Variants in SLAMF6 observed in about 807,000 individuals in gnomAD.
SLAMF6 encodes the protein SLAM family member 6.
In SLAMF6, 21 loss-of-function variants were observed where a neutral mutation model predicts 38.3. The ratio of observed to expected loss-of-function variants is 0.55; its 90% confidence interval spans 0.39 to 0.79. The LOEUF is 0.79. Ranked by LOEUF, SLAMF6 falls within the 30% of genes least tolerant of loss-of-function variation. SLAMF6 has a pLI of 0.00. For synonymous variants in SLAMF6, 152 were observed against 146.3 expected (o/e 1.04, Z -0.28); for missense variants, 341 against 385.3 (o/e 0.89, Z 0.96).
chr1:160,518,592 T>TA (rs1654851101), intron 1 of SLAMF6, among the ~76,000 whole-genome samples: 2 of 151,972 alleles, frequency 1.3e-5, no homozygotes, highest in Admixed American at 6.6e-5. Flanking sequence ...TATGCAGCCA[T>TA]AAAAAGGAAT....
chr1:160,522,701 C>T (rs748911641), intron 1 of SLAMF6, among the ~76,000 whole-genome samples: 1 of 151,742 alleles, frequency 6.6e-6, no homozygotes, highest in Non-Finnish European at 1.5e-5. Context: ...AAATTTGGCT[C>T]AACTGAATAA....
At chr1:160,491,039 C>G in intron 3 of SLAMF6, 86 bp downstream of exon 3, 1 of 1,534,032 alleles carries the variant, frequency 6.5e-7, no homozygotes, top group Non-Finnish European at 8.9e-7. Context: ...TCCCACTGGG[C>G]CACTGTATTG....
At position 160,523,151 on chromosome 1, in the gene SLAMF6, A is replaced by G. The variant is rs1237008899; in HGVS notation, c.42T>C (p.Phe14=). The G allele has an allele frequency of 5.0e-6, 8 of 1,613,754 alleles. No individual in the cohort carries two copies. The South Asian group carries it at 5.5e-5, about 11-fold the overall frequency. The change falls in exon 1 of 8, where the codon TTT becomes TTC. Residue 14 remains phenylalanine (F), a synonymous_variant. Transcript: ENST00000368057. ...ATCTGGATTGACATTTACCTGGGCCAAAGCAGAAGACAAACAGGAGCGATT... is the reference window on the plus strand; with the variant it reads ...ATCTGGATTGACATTTACCTGGGCCGAAGCAGAAGACAAACAGGAGCGATT... ...LFQSLLFVFC[F]GPGNVVSQSS...
intron 1 of SLAMF6, among the ~76,000 whole-genome samples, chr1:160,516,776 A>G (rs1185753399): frequency 1.3e-5 from 2 of 152,230 alleles, no homozygotes; most frequent in Non-Finnish European, 2.9e-5. Flanking sequence ...TCACTATTTA[A>G]TAACTGGTGC....
chr1:160,498,437 G>A (rs1377578567), intron 1 of SLAMF6, among the ~76,000 whole-genome samples: 1 of 152,158 alleles, frequency 6.6e-6, no homozygotes, highest in Non-Finnish European at 1.5e-5. Context: ...GGAGGCCATG[G>A]CACTCACAAG....
At chr1:160,496,024 C>A in intron 2 of SLAMF6, 37 bp downstream of exon 2, 1 of 1,553,646 alleles carries the variant, frequency 6.4e-7, no homozygotes, top group South Asian at 1.2e-5. Context: ...GTATATTTTT[C>A]AGTCCATATG....
At chr1:160,516,634 C>T (rs565736844) in intron 1 of SLAMF6, among the ~76,000 whole-genome samples, 26 of 151,784 alleles carry the variant, frequency 1.7e-4, no homozygotes, top group East Asian at 9.7e-4. Flanking sequence ...CAAAACAGCA[C>T]GGTACATGGT....
At chr1:160,512,258 T>A (rs1654508932) in intron 1 of SLAMF6, among the ~76,000 whole-genome samples, 18 of 152,140 alleles carry the variant, frequency 1.2e-4, no homozygotes, top group Admixed American at 1.2e-3. Context: ...CCAGACTGCA[T>A]CTTTAGGCTG....
In SLAMF6 at chr1:160,490,697, A is replaced by T; in HGVS notation, c.647-12T>A. The T allele has an allele frequency of 6.2e-7, 1 of 1,611,220 alleles. No individual in the cohort carries two copies. The highest frequency in any genetic ancestry group is 8.5e-7 in the Non-Finnish European group (1 of 1,179,186). ...TTGAATTTTAACATCTGAAAAGAGAAAAAAGAAATGACATTTGAGACACAT... is the reference window on the plus strand; with the variant it reads ...TTGAATTTTAACATCTGAAAAGAGATAAAAGAAATGACATTTGAGACACAT... On this transcript the variant is annotated splice_polypyrimidine_tract_variant and intron_variant, in intron 3 of 7. Transcript: ENST00000368057.
intron 1 of SLAMF6, among the ~76,000 whole-genome samples, chr1:160,498,225 G>A (rs1653698772): frequency 6.6e-6 from 1 of 151,688 alleles, no homozygotes; most frequent in Admixed American, 6.6e-5. Flanking sequence ...TTCTGCATAT[G>A]GCTATACAAA....
chr1:160,521,260 A>G (rs2102074655), intron 1 of SLAMF6, among the ~76,000 whole-genome samples: 1 of 152,170 alleles, frequency 6.6e-6, no homozygotes, highest in Non-Finnish European at 1.5e-5. Flanking sequence ...ACTCATTCAA[A>G]TGTGTTTCTC....
chr1:160,486,965 G>T, intron 7 of SLAMF6, 139 bp downstream of exon 7: 3 of 930,346 alleles, frequency 3.2e-6, no homozygotes, highest in African/African-American at 1.7e-5. Flanking sequence ...TTATGTTTTG[G>T]TGATGTCCTG....
At chr1:160,501,083 T>A (rs1653865953) in intron 1 of SLAMF6, among the ~76,000 whole-genome samples, 1 of 152,208 alleles carries the variant, frequency 6.6e-6, no homozygotes, top group African/African-American at 2.4e-5. Context: ...CACAGAAATT[T>A]ATTTATTTGT....
At chr1:160,502,901 G>A (rs990753340) in intron 1 of SLAMF6, among the ~76,000 whole-genome samples, 1 of 152,098 alleles carries the variant, frequency 6.6e-6, no homozygotes, top group Non-Finnish European at 1.5e-5. Context: ...TGAGAAGGTA[G>A]GACAAATGGA....
At chr1:160,489,317 T>C (rs1247162577) in intron 5 of SLAMF6, 147 bp from the exon 6 acceptor site, 2 of 704,430 alleles carry the variant, frequency 2.8e-6, no homozygotes, top group East Asian at 5.5e-5. Context: ...TTCTTGACAG[T>C]CTTTGGAGCT....
chr1:160,510,391 C>G (rs991530252), intron 1 of SLAMF6, among the ~76,000 whole-genome samples: 1 of 151,876 alleles, frequency 6.6e-6, no homozygotes, highest in Non-Finnish European at 1.5e-5. Flanking sequence ...GATTATACAC[C>G]ATGACCAAGT....
At chr1:160,521,889 C>A (rs920524461) in intron 1 of SLAMF6, among the ~76,000 whole-genome samples, 2 of 152,056 alleles carry the variant, frequency 1.3e-5, no homozygotes, top group African/African-American at 4.8e-5. Context: ...TTATTTCTTC[C>A]TACCCAATAC....
chr1:160,512,329 G>A (rs1230558736), intron 1 of SLAMF6, among the ~76,000 whole-genome samples: 1 of 152,176 alleles, frequency 6.6e-6, no homozygotes, highest in South Asian at 2.1e-4. Context: ...AGCAACTCCA[G>A]CCAAGGGTTT....
intron 1 of SLAMF6, among the ~76,000 whole-genome samples, chr1:160,498,181 A>C (rs1453088885): frequency 2.4e-4 from 36 of 151,956 alleles, no homozygotes; most frequent in African/African-American, 8.7e-4. Context: ...TTAATAATAG[A>C]CATTCTGAAA....
Sources: allele counts gnomAD v4.1 joint callset (sites outside exome capture counted in the v4.1 genomes callset), GRCh38; gene constraint gnomAD v4.1.1; transcripts MANE v1.5; gene names NCBI Gene and HGNC (gene_info 2026-07-23, HGNC 2026-07-21).